NRXN1: variants seen among roughly 807,000 people sequenced by gnomAD.
NRXN1 encodes the protein neurexin-1.
NRXN1 carries 39 observed loss-of-function variants against 150.9 expected under a neutral mutation model. The ratio of observed to expected loss-of-function variants is 0.26; its 90% CI spans 0.20 to 0.34. NRXN1 has a LOEUF of 0.34. Among genes scored for constraint, NRXN1 ranks in the 10% least tolerant of loss-of-function variants. The pLI is 1.00. For missense variants in NRXN1, 1,815 were observed against 1,949.9 expected (o/e 0.93, Z 1.30); for synonymous variants, 924 against 757.0 (o/e 1.22, Z -3.62).
chr2:50,132,384 C>A (rs1705651881), intron 18 of NRXN1, among the ~76,000 whole-genome samples: 1 of 150,898 alleles, frequency 6.6e-6, no homozygotes, highest in African/African-American at 2.4e-5. Context: ...TGGCTCACTG[C>A]AACCTCCGCC....
chr2:49,940,012 C>T (rs1414498295), intron 22 of NRXN1, among the ~76,000 whole-genome samples: 5 of 151,972 alleles, frequency 3.3e-5, no homozygotes, highest in Admixed American at 2.6e-4. Context: ...CAAGATGATG[C>T]TAGATTTTTC....
intron 5 of NRXN1, among the ~76,000 whole-genome samples, chr2:50,652,978 ATT>A (rs1685866621): frequency 6.6e-6 from 1 of 151,844 alleles, no homozygotes; most frequent in African/African-American, 2.4e-5. Context: ...TTTCTGTTTT[ATT>A]TTGTTTTCAT....
chr2:50,439,686 G>A (rs923304681), intron 17 of NRXN1, among the ~76,000 whole-genome samples: 6 of 151,748 alleles, frequency 4.0e-5, no homozygotes, highest in African/African-American at 9.7e-5. Context: ...GCGTGGTGGC[G>A]GGTACCTGTA....
intron 8 of NRXN1, among the ~76,000 whole-genome samples, chr2:50,563,089 G>T (rs1283511715): frequency 6.6e-6 from 1 of 152,020 alleles, no homozygotes; most frequent in Non-Finnish European, 1.5e-5. Flanking sequence ...ATTTTTAAAT[G>T]ACCATAACTT....
intron 17 of NRXN1, among the ~76,000 whole-genome samples, chr2:50,266,379 A>C (rs2068867749): frequency 6.7e-6 from 1 of 148,820 alleles, no homozygotes; most frequent in South Asian, 2.1e-4. Flanking sequence ...AACATAACTA[A>C]ATATATATTA....
Position 50,097,216 on chromosome 2 carries a change from G to A in NRXN1, c.3547-5722C>T, listed in dbSNP as rs553908630. On this transcript the variant is annotated intron_variant, in intron 18 of 22. Transcript: ENST00000401669. ...TGTTTACTATACTCCTAGAGAGAAG[G>A]ACCAAACATTGTGAGCAAGTGTGCA... is the stretch of plus-strand genomic sequence containing the variant. Among the ~76,000 whole-genome samples the A allele has an allele frequency of 2.0e-5, 3 of 152,258 alleles. No homozygotes were observed. The East Asian group carries it at 5.8e-4, about 29-fold the overall frequency.
chr2:50,193,581 A>G (rs981163840), intron 18 of NRXN1, among the ~76,000 whole-genome samples: 6 of 152,120 alleles, frequency 3.9e-5, no homozygotes, highest in Non-Finnish European at 7.4e-5. Flanking sequence ...GGCAGCATAT[A>G]CAAATTGTTA....
At chr2:50,872,071 C>A (rs1272462647) in intron 5 of NRXN1, among the ~76,000 whole-genome samples, 1 of 151,824 alleles carries the variant, frequency 6.6e-6, no homozygotes, top group Non-Finnish European at 1.5e-5. Flanking sequence ...AGACAACTAC[C>A]TTTAACTCTT....
intron 17 of NRXN1, among the ~76,000 whole-genome samples, chr2:50,380,299 T>C (rs574234739): frequency 3.3e-5 from 5 of 149,318 alleles, no homozygotes; most frequent in Non-Finnish European, 5.9e-5. Flanking sequence ...TGTGTGTGCG[T>C]GTGTGTGTGT....
rs78131517 is a variant in NRXN1 at position 50,681,182 on chromosome 2, T to C, written c.833-57567A>G. Among the ~76,000 whole-genome samples, 103 of 152,286 alleles carry C rather than the reference T, an allele frequency of 6.8e-4. 1 individual carries two copies. In the East Asian group the frequency reaches 0.016, roughly 23 times the overall value. ...ACTCTAATGTTGGATCTGTACACTATTGGCCCCACCTTAGGTGAATTAAAC... is the reference window on the plus strand; with the variant it reads ...ACTCTAATGTTGGATCTGTACACTACTGGCCCCACCTTAGGTGAATTAAAC... On this transcript the variant is annotated intron_variant, in intron 5 of 22. Coordinates refer to ENST00000401669, the MANE Select transcript of NRXN1 (RefSeq NM_001330078.2).
chr2:50,579,663 AT>A (rs577577423), intron 8 of NRXN1, among the ~76,000 whole-genome samples: 40 of 152,262 alleles, frequency 2.6e-4, no homozygotes, highest in Middle Eastern at 3.4e-3. Context: ...AAATAAAAAA[AT>A]ATATATATTT....
intron 5 of NRXN1, among the ~76,000 whole-genome samples, chr2:50,715,860 C>T (rs1250387735): frequency 7.2e-5 from 11 of 152,270 alleles, no homozygotes; most frequent in African/African-American, 2.6e-4. Flanking sequence ...CCTTTTGTTG[C>T]TTGAACTCTC....
At chr2:50,953,577 G>A (rs910850464) in intron 2 of NRXN1, among the ~76,000 whole-genome samples, 1 of 144,872 alleles carries the variant, frequency 6.9e-6, no homozygotes, top group Admixed American at 6.9e-5. Flanking sequence ...TTTTTTTTGA[G>A]ATGAAGTCTC....
intron 13 of NRXN1, among the ~76,000 whole-genome samples, chr2:50,505,872 T>A (rs1196243388): frequency 6.6e-6 from 1 of 152,124 alleles, no homozygotes; most frequent in Non-Finnish European, 1.5e-5. Flanking sequence ...TTGGAGTTGT[T>A]TTCAAAGTAA....
intron 5 of NRXN1, among the ~76,000 whole-genome samples, chr2:50,777,137 CT>C: frequency 6.6e-6 from 1 of 152,020 alleles, no homozygotes; most frequent in East Asian, 1.9e-4. Flanking sequence ...TGAATATTTG[CT>C]TTTTTAAGTA....
At chr2:50,046,774 ATAGTGCCCCAACATCC>A (rs1468796489) in intron 21 of NRXN1, among the ~76,000 whole-genome samples, 1 of 152,162 alleles carries the variant, frequency 6.6e-6, no homozygotes, top group Non-Finnish European at 1.5e-5. Context: ...ACCACTATGC[ATAGTGCCCCAACATCC>A]CACACAAGCT....
At chr2:50,820,775 T>A (rs1669613719) in intron 5 of NRXN1, among the ~76,000 whole-genome samples, 1 of 152,132 alleles carries the variant, frequency 6.6e-6, no homozygotes, top group Non-Finnish European at 1.5e-5. Flanking sequence ...ATGTCGCCTC[T>A]CTGTCAGGGA....
intron 17 of NRXN1, among the ~76,000 whole-genome samples, chr2:50,401,795 A>T (rs2082407375): frequency 6.6e-6 from 1 of 152,176 alleles, no homozygotes; most frequent in African/African-American, 2.4e-5. Context: ...GCAACTTAAA[A>T]CACAACCAGG....
chr2:50,563,033 A>T (rs1669337203), intron 8 of NRXN1, among the ~76,000 whole-genome samples: 1 of 152,180 alleles, frequency 6.6e-6, no homozygotes, highest in African/African-American at 2.4e-5. Flanking sequence ...TTACCAAAAG[A>T]TATAATCAGT....
Sources: gnomAD v4.1 joint callset for allele counts (sites outside exome capture counted in the v4.1 genomes callset) on GRCh38, gnomAD v4.1.1 for gene constraint, MANE v1.5 for transcripts, NCBI Gene and HGNC (gene_info 2026-07-23, HGNC 2026-07-21) for gene names.